ERC1: variants seen among roughly 807,000 people sequenced by gnomAD.
ERC1 encodes ELKS/RAB6-interacting/CAST family member 1.
A neutral mutation model predicts 132.0 loss-of-function variants in ERC1; 56 were observed. The observed-to-expected ratio is 0.42, with a 90% confidence interval of 0.34 to 0.53. The LOEUF is 0.53. Among genes scored for constraint, ERC1 ranks in the 20% least tolerant of loss-of-function variants. The pLI is 0.03. For synonymous variants in ERC1, 478 were observed against 476.1 expected, an observed-to-expected ratio of 1.00 and a Z score of -0.05; for missense variants, 1,202 against 1,349.9, an observed-to-expected ratio of 0.89 and a Z score of 1.72.
intron 15 of ERC1, among the ~76,000 whole-genome samples, chr12:1,298,794 T>C (rs528128280): frequency 6.7e-5 from 10 of 150,042 alleles, no homozygotes; most frequent in African/African-American, 2.5e-4. Flanking sequence ...AAGGCTCAAC[T>C]GTATGCTGTA....
At chr12:1,106,821 A>G (rs1377487889) in intron 4 of ERC1, among the ~76,000 whole-genome samples, 2 of 152,212 alleles carry the variant, frequency 1.3e-5, no homozygotes, top group African/African-American at 2.4e-5. Flanking sequence ...TAATAGTATT[A>G]CTTGGTGGCA....
chr12:1,273,888 A>G (rs1594712564), intron 14 of ERC1, among the ~76,000 whole-genome samples: 1 of 152,140 alleles, frequency 6.6e-6, no homozygotes, highest in East Asian at 1.9e-4. Context: ...AAATACAAGC[A>G]TTTTCTGATA....
At chr12:1,097,704 T>C (rs1441427118) in intron 3 of ERC1, among the ~76,000 whole-genome samples, 6 of 150,428 alleles carry the variant, frequency 4.0e-5, no homozygotes, top group African/African-American at 1.5e-4. Context: ...GTGTTTTGTT[T>C]TTAATTTTTA....
intron 1 of ERC1, among the ~76,000 whole-genome samples, chr12:1,004,806 CTGTGTGTGTGTGTGTGTGTGTG>C (rs60674277): frequency 5.2e-4 from 77 of 146,954 alleles, no homozygotes; most frequent in East Asian, 2.0e-3. Flanking sequence ...CTGCCTTTTT[CTGTGTGTGTGTGTGTGTGTGTG>C]TGTGTGTGTG....
chr12:1,121,681 A>ATCTGTG (rs1947141325), intron 7 of ERC1, among the ~76,000 whole-genome samples: 3 of 36,270 alleles, frequency 8.3e-5, no homozygotes, highest in Admixed American at 2.8e-4. Context: ...ATCTCTATCT[A>ATCTGTG]TCTCTATCTC....
At chr12:1,330,610 C>T (rs2082792988) in intron 15 of ERC1, among the ~76,000 whole-genome samples, 2 of 151,806 alleles carry the variant, frequency 1.3e-5, no homozygotes, top group Admixed American at 1.3e-4. Flanking sequence ...CACTTTTCTT[C>T]CCCTCCCTTC....
chr12:1,273,924 T>C (rs2078063272), intron 14 of ERC1, among the ~76,000 whole-genome samples: 1 of 152,218 alleles, frequency 6.6e-6, no homozygotes, highest in South Asian at 2.1e-4. Context: ...TAAATTTTTG[T>C]TTTTGGAAAA....
intron 7 of ERC1, among the ~76,000 whole-genome samples, chr12:1,130,198 G>A (rs566948753): frequency 7.6e-4 from 115 of 152,308 alleles, no homozygotes; most frequent in South Asian, 1.5e-3. Context: ...TTGTAAGAAA[G>A]CGTAAAGACC....
Position 1,490,466 on chromosome 12 carries a change from G to A in ERC1, c.*236G>A, listed in dbSNP as rs1012572868. ...TGATGTCCAGGGTAGATAAAGGGTCGAATCTCTCTGAAGAACTGCCACCTG... is the reference window on the plus strand; with the variant it reads ...TGATGTCCAGGGTAGATAAAGGGTCAAATCTCTCTGAAGAACTGCCACCTG... On this transcript the variant is annotated 3_prime_UTR_variant, in exon 19 of 19. Coordinates refer to ENST00000360905, the MANE Select transcript of ERC1 (RefSeq NM_178040.4). 6.4e-6 allele frequency: 3 copies of A among 468,878 alleles called. No homozygotes were observed. The highest frequency in any genetic ancestry group is 1.2e-5 in the Non-Finnish European group (3 of 259,940). 29.0% of individuals were successfully genotyped at this position (468,878 alleles called of 1,614,324 possible). A position where few individuals can be genotyped will look rare whatever the true frequency, so the allele number is the denominator to read the frequency against.
At chr12:1,339,366 T>G (rs911773832) in intron 15 of ERC1, among the ~76,000 whole-genome samples, 1 of 144,780 alleles carries the variant, frequency 6.9e-6, no homozygotes, top group South Asian at 2.3e-4. Flanking sequence ...CGCCCCCATG[T>G]AGGCATTCAC....
At chr12:1,238,304 C>A (rs990460947) in intron 13 of ERC1, among the ~76,000 whole-genome samples, 1 of 152,118 alleles carries the variant, frequency 6.6e-6, no homozygotes, top group African/African-American at 2.4e-5. Flanking sequence ...TTAAATCTCT[C>A]TTCCATTGTT....
chr12:1,254,477 T>C (rs1416599377), intron 13 of ERC1, among the ~76,000 whole-genome samples: 1 of 152,100 alleles, frequency 6.6e-6, no homozygotes, highest in Non-Finnish European at 1.5e-5. Flanking sequence ...ACCTAATAAT[T>C]CCCCTTTGTA....
At chr12:1,295,311 G>A (rs1474075398) in intron 15 of ERC1, among the ~76,000 whole-genome samples, 1 of 152,128 alleles carries the variant, frequency 6.6e-6, no homozygotes, top group African/African-American at 2.4e-5. Flanking sequence ...ACCTCCTGAG[G>A]TCCCCTGATT....
chr12:1,164,286 T>C (rs7137738), intron 8 of ERC1, among the ~76,000 whole-genome samples: 1 of 108,574 alleles, frequency 9.2e-6, no homozygotes, highest in Non-Finnish European at 2.4e-5. Context: ...TTTATGTTAT[T>C]TTATTTTGTT....
intron 2 of ERC1, among the ~76,000 whole-genome samples, chr12:1,049,467 T>C (rs112297536): frequency 0.023 from 3,505 of 152,190 alleles, 132 homozygotes; most frequent in African/African-American, 0.081. Flanking sequence ...TTGATTTGAT[T>C]GGGCTTGGGG....
At chr12:1,289,745 TC>T (rs1339234731) in intron 14 of ERC1, 106 bp from the exon 15 acceptor site, 11 of 778,708 alleles carry the variant, frequency 1.4e-5, no homozygotes, top group African/African-American at 5.2e-5. Context: ...TTCAATGTGT[TC>T]CTGCGTCTCT....
rs746654516 is a variant in ERC1 at position 1,236,921 on chromosome 12, A to G, written c.2487+17A>G. 1.9e-6 allele frequency: 3 copies of G among 1,613,282 alleles called. No individual in the cohort carries two copies. The highest frequency in any genetic ancestry group is 3.3e-5 in the Admixed American group (2 of 59,930). ...CAGCTACAGGTTAGAACACAAGGAGAATCTGAAAGGATCGGGTGAAGACAT... is the reference window on the plus strand; with the variant it reads ...CAGCTACAGGTTAGAACACAAGGAGGATCTGAAAGGATCGGGTGAAGACAT... On this transcript the variant is annotated intron_variant, in intron 13 of 18. Transcript: ENST00000360905.
chr12:1,014,401 C>T (rs1410022515), intron 1 of ERC1, among the ~76,000 whole-genome samples: 1 of 151,924 alleles, frequency 6.6e-6, no homozygotes, highest in Admixed American at 6.6e-5. Flanking sequence ...GTCTCGAACT[C>T]CTGAGCTCAG....
chr12:1,214,014 A>G (rs1372812950), intron 12 of ERC1, among the ~76,000 whole-genome samples: 1 of 152,224 alleles, frequency 6.6e-6, no homozygotes, highest in Non-Finnish European at 1.5e-5. Context: ...TTTGGAAAGA[A>G]AAAAGACACT....
Sources: gnomAD v4.1 joint callset for allele counts (sites outside exome capture counted in the v4.1 genomes callset) on GRCh38, gnomAD v4.1.1 for gene constraint, MANE v1.5 for transcripts, NCBI Gene and HGNC (gene_info 2026-07-23, HGNC 2026-07-21) for gene names.